Variants in SEMA3E observed in about 807,000 individuals in gnomAD.
The protein encoded by SEMA3E is semaphorin-3E.
Under a neutral mutation model 93.6 loss-of-function variants are expected in SEMA3E, and 49 were observed. The ratio of observed to expected loss-of-function variants is 0.52; its 90% confidence interval spans 0.42 to 0.66. The LOEUF is 0.66. Among genes scored for constraint, SEMA3E ranks in the 30% least tolerant of loss-of-function variants. SEMA3E has a pLI of 0.00. For synonymous variants in SEMA3E, 363 were observed against 330.7 expected (o/e 1.10, Z -1.06); for missense variants, 906 against 964.8 (o/e 0.94, Z 0.81).
chr7:83,503,026 T>G (rs867807567), intron 1 of SEMA3E, among the ~76,000 whole-genome samples: 3,694 of 151,314 alleles, frequency 0.024, 158 homozygotes, highest in African/African-American at 0.084. Flanking sequence ...TTTTTTTTTT[T>G]GATGTCAATA....
intron 16 of SEMA3E, among the ~76,000 whole-genome samples, chr7:83,381,615 A>T (rs1445908185): frequency 6.6e-6 from 1 of 151,888 alleles, no homozygotes; most frequent in African/African-American, 2.4e-5. Context: ...TTCTTTCCAC[A>T]TTCTTCAGAA....
intron 1 of SEMA3E, among the ~76,000 whole-genome samples, chr7:83,584,659 C>T (rs903254024): frequency 6.6e-6 from 1 of 152,102 alleles, no homozygotes; most frequent in Non-Finnish European, 1.5e-5. Flanking sequence ...CTGCCAATGT[C>T]ACTCCCCAGA....
At chr7:83,566,520 CT>C (rs1480644298) in intron 1 of SEMA3E, among the ~76,000 whole-genome samples, 2 of 152,006 alleles carry the variant, frequency 1.3e-5, no homozygotes, top group Non-Finnish European at 2.9e-5. Context: ...TGGTATTTGG[CT>C]TTTTTTCCCT....
chr7:83,454,260 A>AT (rs1252900526), intron 4 of SEMA3E, among the ~76,000 whole-genome samples: 3 of 95,122 alleles, frequency 3.2e-5, no homozygotes, highest in Admixed American at 2.1e-4. Flanking sequence ...TCCGACTCAA[A>AT]AAAAAAAAAA....
chr7:83,398,508 G>A (rs1000617307), intron 11 of SEMA3E, among the ~76,000 whole-genome samples: 1 of 152,154 alleles, frequency 6.6e-6, no homozygotes, highest in African/African-American at 2.4e-5. Context: ...GAAATCTGAT[G>A]ACACCGTTAA....
At chr7:83,454,852 C>T (rs1279631401) in intron 4 of SEMA3E, among the ~76,000 whole-genome samples, 1 of 152,138 alleles carries the variant, frequency 6.6e-6, no homozygotes, top group Non-Finnish European at 1.5e-5. Flanking sequence ...CTCCTGCTGT[C>T]ACATTACAAA....
chr7:83,392,620 G>T lies in SEMA3E; in HGVS notation c.1602C>A (p.Asp534Glu). 1 of 1,613,854 alleles carries T rather than the reference G, an allele frequency of 6.2e-7. No homozygotes were observed. Among genetic ancestry groups the T allele is most frequent in the Non-Finnish European group, 8.5e-7 (1 of 1,179,890 alleles). ...ATATGCCATCCCAGGCACAGTAAGGGTCTCGAGCCAGGCAGCAGTCAGCAC... is the reference window on the plus strand; with the variant it reads ...ATATGCCATCCCAGGCACAGTAAGGTTCTCGAGCCAGGCAGCAGTCAGCAC... Reference protein sequence around the residue: ...SACADCCLARDPYCAWDGISC... With the variant: ...SACADCCLAREPYCAWDGISC... The change falls in exon 14 of 17, where the codon GAC becomes GAA. Residue 534 changes from aspartate (D) to glutamate (E), a missense_variant. Coordinates refer to ENST00000643230, the MANE Select transcript of SEMA3E (RefSeq NM_012431.3).
chr7:83,385,571 G>T (rs1787862715), intron 15 of SEMA3E, 138 bp from the exon 16 acceptor site: 15 of 981,600 alleles, frequency 1.5e-5, no homozygotes, highest in Non-Finnish European at 2.0e-5. Context: ...TAATTTAAAG[G>T]AATTATTTAG....
chr7:83,499,931 T>A (rs573247782), intron 1 of SEMA3E, among the ~76,000 whole-genome samples: 3 of 152,184 alleles, frequency 2.0e-5, no homozygotes, highest in Non-Finnish European at 4.4e-5. Flanking sequence ...AACAAAGTCC[T>A]ATGCACTCCT....
chr7:83,635,594 T>C (rs902110157), intron 1 of SEMA3E, among the ~76,000 whole-genome samples: 16 of 151,952 alleles, frequency 1.1e-4, no homozygotes, highest in Admixed American at 9.8e-4. Context: ...ATATAGCATT[T>C]CAAAATATAT....
intron 1 of SEMA3E, among the ~76,000 whole-genome samples, chr7:83,531,335 A>T: frequency 2.4e-5 from 2 of 84,856 alleles, no homozygotes; most frequent in Non-Finnish European, 5.7e-5. Context: ...TCTTGATTGG[A>T]ATATTCTTTT....
At chr7:83,532,587 C>A (rs747588760) in intron 1 of SEMA3E, among the ~76,000 whole-genome samples, 6 of 152,098 alleles carry the variant, frequency 3.9e-5, no homozygotes, top group Non-Finnish European at 7.4e-5. Context: ...TAAAAACACT[C>A]CATAATCAGG....
intron 1 of SEMA3E, among the ~76,000 whole-genome samples, chr7:83,646,489 A>G (rs1215909404): frequency 6.6e-6 from 1 of 152,080 alleles, no homozygotes; most frequent in Admixed American, 6.6e-5. Context: ...ACAAGTAGGA[A>G]CATTCTATTT....
chr7:83,511,923 A>G (rs748488779), intron 1 of SEMA3E, among the ~76,000 whole-genome samples: 24 of 151,790 alleles, frequency 1.6e-4, no homozygotes, highest in Non-Finnish European at 2.9e-4. Context: ...TAATTAAAAT[A>G]AATAAATAAA....
At chr7:83,624,164 G>A (rs1793622973) in intron 1 of SEMA3E, among the ~76,000 whole-genome samples, 1 of 152,120 alleles carries the variant, frequency 6.6e-6, no homozygotes, top group African/African-American at 2.4e-5. Flanking sequence ...TTGCTATTGT[G>A]AACAGTGCTG....
At position 83,399,944 on chromosome 7, in the gene SEMA3E, G is replaced by A. The variant is rs770945904; in HGVS notation, c.1366+84C>T. 5.8e-5 allele frequency: 63 copies of A among 1,095,636 alleles called. No homozygotes were observed. In the Middle Eastern group the frequency reaches 1.4e-3, roughly 25 times the overall value. 67.9% of individuals were successfully genotyped at this position (1,095,636 alleles called of 1,614,324 possible). ...TGTTTAACAGATGGACAGATTTGTC[G>A]ATAGGTGCTTTTAGAAATATTATTA... On this transcript the variant is annotated intron_variant, in intron 11 of 16. Coordinates refer to ENST00000643230, the MANE Select transcript of SEMA3E (RefSeq NM_012431.3).
intron 1 of SEMA3E, among the ~76,000 whole-genome samples, chr7:83,500,222 G>T (rs1288704704): frequency 6.6e-6 from 1 of 152,156 alleles, no homozygotes; most frequent in Non-Finnish European, 1.5e-5. Flanking sequence ...TGGATCACAA[G>T]GTCAGGAGTT....
intron 1 of SEMA3E, among the ~76,000 whole-genome samples, chr7:83,546,048 T>G (rs1791644267): frequency 6.8e-6 from 1 of 147,416 alleles, no homozygotes; most frequent in Non-Finnish European, 1.5e-5. Flanking sequence ...TATATAATTA[T>G]ATATGTACAC....
chr7:83,622,649 C>T (rs1469311542), intron 1 of SEMA3E, among the ~76,000 whole-genome samples: 2 of 152,078 alleles, frequency 1.3e-5, no homozygotes, highest in African/African-American at 2.4e-5. Flanking sequence ...ACTATGCAGC[C>T]GTAAAAAGGA....
Sources: allele counts gnomAD v4.1 joint callset (sites outside exome capture counted in the v4.1 genomes callset), GRCh38; gene constraint gnomAD v4.1.1; transcripts MANE v1.5; gene names NCBI Gene and HGNC (gene_info 2026-07-23, HGNC 2026-07-21).